Variants in FOXJ3 observed in about 807,000 individuals in gnomAD.
FOXJ3 encodes the protein forkhead box J3.
A neutral mutation model predicts 76.1 loss-of-function variants in FOXJ3; 22 were observed. The observed-to-expected ratio is 0.29, with a 90% CI of 0.21 to 0.41. FOXJ3 has a LOEUF of 0.41. FOXJ3 is among the 10% of genes least tolerant of loss of function. The probability of loss-of-function intolerance (pLI) is 1.00; values close to 1 mark genes in which losing one functional copy is unlikely to be tolerated. For missense variants in FOXJ3, 613 were observed against 762.1 expected (o/e 0.80, Z 2.30); for synonymous variants, 269 against 261.2 (o/e 1.03, Z -0.29).
intron 2 of FOXJ3, 55 bp downstream of exon 2, chr1:42,310,995 T>G (rs1473566111): frequency 9.3e-7 from 1 of 1,071,680 alleles, no homozygotes; most frequent in Non-Finnish European, 1.4e-6. Flanking sequence ...AGGTGACCAG[T>G]CTAACTTTTA....
chr1:42,184,429 C>T lies in FOXJ3; in HGVS notation c.1646-2405G>A, dbSNP rs141502052. Among the ~76,000 whole-genome samples the T allele has an allele frequency of 2.9e-3, 441 of 152,148 alleles. 2 individuals are homozygous for T. The highest frequency in any genetic ancestry group is 9.2e-3 in the African/African-American group (380 of 41,444). On this transcript the variant is annotated intron_variant, in intron 11 of 12. Coordinates refer to ENST00000361346, the MANE Select transcript of FOXJ3 (RefSeq NM_014947.5). ...TAACTTTCTGTAATTCCATCATATGCGTAACACTTTTATTTTCATATAGAA... is the reference window on the plus strand; with the variant it reads ...TAACTTTCTGTAATTCCATCATATGTGTAACACTTTTATTTTCATATAGAA...
chr1:42,228,566 C>CAAAAA (rs10640179), intron 4 of FOXJ3, among the ~76,000 whole-genome samples: 5 of 130,254 alleles, frequency 3.8e-5, no homozygotes, highest in African/African-American at 1.4e-4. Context: ...TGTGACTCTC[C>CAAAAA]AAAAAAAAAA....
chr1:42,194,817 C>A, intron 8 of FOXJ3, 73 bp downstream of exon 8: 2 of 918,734 alleles, frequency 2.2e-6, no homozygotes, highest in Admixed American at 2.4e-5. Context: ...AGTATAACAG[C>A]TGCCATGTGA....
intron 1 of FOXJ3, among the ~76,000 whole-genome samples, chr1:42,329,186 T>C (rs1656013934): frequency 6.6e-6 from 1 of 152,218 alleles, no homozygotes; most frequent in Non-Finnish European, 1.5e-5. Flanking sequence ...ATGTCATTGT[T>C]ATAAATATAA....
At chr1:42,223,877 C>T (rs1448321263) in intron 5 of FOXJ3, among the ~76,000 whole-genome samples, 1 of 152,206 alleles carries the variant, frequency 6.6e-6, no homozygotes, top group Non-Finnish European at 1.5e-5. Context: ...TTGTAGACAG[C>T]ACAAACTGTG....
intron 2 of FOXJ3, among the ~76,000 whole-genome samples, chr1:42,282,999 G>T (rs1350757416): frequency 6.6e-6 from 1 of 152,122 alleles, no homozygotes; most frequent in Non-Finnish European, 1.5e-5. Context: ...AAGTTCAAAA[G>T]TTAAAGAGGT....
chr1:42,217,955 C>A (rs1647105329), intron 5 of FOXJ3, among the ~76,000 whole-genome samples: 1 of 152,170 alleles, frequency 6.6e-6, no homozygotes. Context: ...CCATCTCTAA[C>A]CAGACAGGAT....
chr1:42,220,929 T>C (rs1203643950), intron 5 of FOXJ3, among the ~76,000 whole-genome samples: 1 of 152,190 alleles, frequency 6.6e-6, no homozygotes, highest in Non-Finnish European at 1.5e-5. Context: ...AATCTTTCTT[T>C]AATGCAATAG....
In FOXJ3 at chr1:42,250,798, CAAAAAAA is replaced by C. The variant is rs61431089; in HGVS notation, c.444+14310_444+14316del. 6.8e-3 allele frequency among the ~76,000 whole-genome samples: 161 copies of C among 23,786 alleles called. 1 individual carries two copies. The highest frequency in any genetic ancestry group is 0.017 in the South Asian group (13 of 766). 15.6% of individuals were successfully genotyped at this position (23,786 alleles called of 152,430 possible). A position where few individuals can be genotyped will look rare whatever the true frequency, so the allele number is the denominator to read the frequency against. On this transcript the variant is annotated intron_variant, in intron 4 of 12. Transcript: ENST00000361346. ...GAGCAACAAGGACAAAACTCCATCTCAAAAAAAAAAAAAAAAAAAAAAGTCCAGTAAT... is the reference window on the plus strand; with the variant it reads ...GAGCAACAAGGACAAAACTCCATCTCAAAAAAAAAAAAAAAGTCCAGTAAT...
At chr1:42,191,188 G>C in intron 9 of FOXJ3, 115 bp downstream of exon 9, 1 of 949,264 alleles carries the variant, frequency 1.1e-6, no homozygotes. Context: ...TAGGATTATA[G>C]CAAGGAAACA....
chr1:42,237,911 TACACAC>T (rs60804378), intron 4 of FOXJ3, among the ~76,000 whole-genome samples: 11,912 of 150,560 alleles, frequency 0.079, 1,516 homozygotes, highest in African/African-American at 0.27. Flanking sequence ...TCTATCAAAA[TACACAC>T]ACACACACAC....
chr1:42,271,598 C>T (rs977466790), intron 3 of FOXJ3, among the ~76,000 whole-genome samples: 8 of 152,132 alleles, frequency 5.3e-5, no homozygotes, highest in African/African-American at 1.9e-4. Flanking sequence ...TCCTAAACTT[C>T]AACAACTTAA....
intron 4 of FOXJ3, among the ~76,000 whole-genome samples, chr1:42,264,005 C>G (rs1416461861): frequency 8.2e-6 from 1 of 122,070 alleles, no homozygotes; most frequent in Non-Finnish European, 1.6e-5. Flanking sequence ...CTGGAGGGAT[C>G]GAGCCCAGCC....
intron 4 of FOXJ3, among the ~76,000 whole-genome samples, chr1:42,257,446 C>T (rs1055990615): frequency 6.6e-6 from 1 of 151,954 alleles, no homozygotes; most frequent in Admixed American, 6.6e-5. Context: ...CTGTGCACAG[C>T]GGCTCACACC....
intron 4 of FOXJ3, among the ~76,000 whole-genome samples, chr1:42,263,989 T>C (rs1240194343): frequency 7.8e-6 from 1 of 128,224 alleles, no homozygotes; most frequent in East Asian, 2.5e-4. Flanking sequence ...TGAAAGTTAA[T>C]ATAAACTGGA....
upstream of FOXJ3, chr1:42,335,746 C>T (rs1036307780): frequency 6.6e-6 from 1 of 152,210 alleles, no homozygotes; most frequent in African/African-American, 2.4e-5. Context: ...CCCCTCTTTT[C>T]AGAACTTCAT....
intron 1 of FOXJ3, 67 bp from the exon 2 acceptor site, chr1:42,311,177 G>T: frequency 9.8e-7 from 1 of 1,024,862 alleles, no homozygotes; most frequent in Non-Finnish European, 1.5e-6. Flanking sequence ...TCTCACTTTA[G>T]ATTTAATTTA....
chr1:42,281,594 C>T (rs1652718194), intron 2 of FOXJ3, among the ~76,000 whole-genome samples: 2 of 152,136 alleles, frequency 1.3e-5, no homozygotes, highest in African/African-American at 4.8e-5. Flanking sequence ...AAAAGTGGGG[C>T]TTCTGTTCTG....
At chr1:42,232,364 A>T (rs1348699684) in intron 4 of FOXJ3, among the ~76,000 whole-genome samples, 1 of 149,062 alleles carries the variant, frequency 6.7e-6, no homozygotes, top group African/African-American at 2.5e-5. Context: ...ATCCCTGAGG[A>T]ATCGCCACAC....
Sources: gnomAD v4.1 joint callset for allele counts (sites outside exome capture counted in the v4.1 genomes callset) on GRCh38, gnomAD v4.1.1 for gene constraint, MANE v1.5 for transcripts, NCBI Gene and HGNC (gene_info 2026-07-23, HGNC 2026-07-21) for gene names.